Variants in PVT1 observed in about 807,000 individuals in gnomAD.
PVT1 encodes CXCR4/PVT1 fusion.
chr8:127,950,322 T>C (rs886849103), intron 3 of PVT1, among the ~76,000 whole-genome samples: 1 of 152,218 alleles, frequency 6.6e-6, no homozygotes, highest in Non-Finnish European at 1.5e-5. Flanking sequence ...AGTGGGAGGC[T>C]GAGACCTGGG....
At chr8:128,039,935 G>A (rs957473491) in intron 4 of PVT1, among the ~76,000 whole-genome samples, 1 of 152,204 alleles carries the variant, frequency 6.6e-6, no homozygotes, top group Non-Finnish European at 1.5e-5. Flanking sequence ...ATATGATCCC[G>A]ATTGTTGATT....
chr8:127,980,665 G>A (rs989445017), intron 3 of PVT1, among the ~76,000 whole-genome samples: 1 of 152,136 alleles, frequency 6.6e-6, no homozygotes, highest in Admixed American at 6.5e-5. Context: ...TTCCCCAGGT[G>A]CCCCATTGGC....
chr8:127,831,534 A>G (rs1431099755), intron 2 of PVT1, among the ~76,000 whole-genome samples: 1 of 152,184 alleles, frequency 6.6e-6, no homozygotes, highest in Admixed American at 6.5e-5. Context: ...AGATTTTGGC[A>G]GAGGTGGGAT....
At chr8:127,941,945 G>A (rs1044025909) in intron 3 of PVT1, among the ~76,000 whole-genome samples, 4 of 152,110 alleles carry the variant, frequency 2.6e-5, no homozygotes, top group African/African-American at 7.2e-5. Flanking sequence ...TGGCTTCCTC[G>A]GGGCCCTTGG....
intron 2 of PVT1, among the ~76,000 whole-genome samples, chr8:127,843,603 C>T (rs972250505): frequency 4.0e-5 from 6 of 151,690 alleles, no homozygotes; most frequent in South Asian, 2.1e-4. Context: ...CCACCACGAC[C>T]GGCTAATTTT....
intron 3 of PVT1, among the ~76,000 whole-genome samples, chr8:127,915,003 T>G (rs1052106879): frequency 6.6e-6 from 1 of 151,970 alleles, no homozygotes; most frequent in Admixed American, 6.6e-5. Context: ...TTTTGTATTT[T>G]TGGTAGAGAT....
chr8:128,009,087 A>G, intron 4 of PVT1: 1 of 272,130 alleles, frequency 3.7e-6, no homozygotes, highest in Non-Finnish European at 8.2e-6. Flanking sequence ...GTATCCAAAT[A>G]TTAATTTTCA....
chr8:127,973,168 T>A (rs1333777671), intron 3 of PVT1, among the ~76,000 whole-genome samples: 1 of 152,178 alleles, frequency 6.6e-6, no homozygotes, highest in Non-Finnish European at 1.5e-5. Context: ...AGTGCCAGGA[T>A]TACAGGTGTG....
At chr8:127,796,417 G>T (rs1296363603) in intron 2 of PVT1, among the ~76,000 whole-genome samples, 1 of 152,004 alleles carries the variant, frequency 6.6e-6, no homozygotes, top group Admixed American at 6.6e-5. Flanking sequence ...ATGATTGCTG[G>T]TCTGAAAACC....
intron 3 of PVT1, among the ~76,000 whole-genome samples, chr8:127,979,759 A>T (rs181090574): frequency 6.6e-6 from 1 of 152,272 alleles, no homozygotes; most frequent in African/African-American, 2.4e-5. Flanking sequence ...GAACAAGGTG[A>T]TTGTATTCGG....
At chr8:127,902,215 T>C (rs960763123) in intron 3 of PVT1, among the ~76,000 whole-genome samples, 1 of 152,132 alleles carries the variant, frequency 6.6e-6, no homozygotes, top group Non-Finnish European at 1.5e-5. Context: ...TCCAACACTC[T>C]GGGAACCTCC....
chr8:128,009,027 T>TTAA (rs1489709724), intron 4 of PVT1: 14 of 447,482 alleles, frequency 3.1e-5, no homozygotes, highest in Non-Finnish European at 6.9e-5. Flanking sequence ...TGAACTAACA[T>TTAA]TAATACCTAT....
At chr8:127,919,801 C>T (rs191153905) in intron 3 of PVT1, among the ~76,000 whole-genome samples, 28 of 152,344 alleles carry the variant, frequency 1.8e-4, no homozygotes, top group African/African-American at 6.5e-4. Context: ...CAAGCCCTCG[C>T]ATGCAGGCCC....
intron 4 of PVT1, among the ~76,000 whole-genome samples, chr8:128,004,438 G>A (rs541289848): frequency 3.9e-4 from 60 of 152,146 alleles, no homozygotes; most frequent in Admixed American, 9.8e-4. Flanking sequence ...GTTGAGCTGG[G>A]TCTGCCTTGT....
intron 2 of PVT1, among the ~76,000 whole-genome samples, chr8:127,873,177 C>T (rs563307573): frequency 9.2e-5 from 14 of 152,140 alleles, no homozygotes; most frequent in South Asian, 2.1e-4. Context: ...TGTCCTCCTG[C>T]GAGTTTTAGA....
At chr8:128,032,192 C>T (rs1813399696) in intron 4 of PVT1, among the ~76,000 whole-genome samples, 1 of 152,156 alleles carries the variant, frequency 6.6e-6, no homozygotes, top group Admixed American at 6.6e-5. Flanking sequence ...GTCTGTGAGG[C>T]CCAGAGCTGA....
At chr8:127,841,715 C>T (rs1814976499) in intron 2 of PVT1, among the ~76,000 whole-genome samples, 2 of 151,726 alleles carry the variant, frequency 1.3e-5, no homozygotes, top group African/African-American at 4.8e-5. Context: ...GACCCAGGAG[C>T]TACACATCTG....
At chr8:127,976,688 T>A (rs568728689) in intron 3 of PVT1, among the ~76,000 whole-genome samples, 2 of 152,268 alleles carry the variant, frequency 1.3e-5, no homozygotes, top group South Asian at 4.2e-4. Context: ...GACAGACACT[T>A]TGGGGGCTCT....
At chr8:128,034,118 T>C (rs990141826) in intron 4 of PVT1, among the ~76,000 whole-genome samples, 10 of 152,072 alleles carry the variant, frequency 6.6e-5, no homozygotes, top group African/African-American at 1.9e-4. Flanking sequence ...GTGCAGAGCT[T>C]TGAATGAGGG....
Sources: allele counts gnomAD v4.1 joint callset (sites outside exome capture counted in the v4.1 genomes callset), GRCh38; gene constraint gnomAD v4.1.1; transcripts MANE v1.5; gene names NCBI Gene and HGNC (gene_info 2026-07-23, HGNC 2026-07-21).